PKP2: variants seen among roughly 807,000 people sequenced by gnomAD.
PKP2 encodes the protein plakophilin-2.
PKP2 carries 73 observed loss-of-function variants against 83.4 expected under a neutral mutation model. The observed-to-expected ratio is 0.88, with a 90% CI of 0.72 to 1.06. PKP2 has a LOEUF of 1.06. PKP2 is among the 50% of genes least tolerant of loss of function. The pLI is 0.00. For synonymous variants in PKP2, 409 were observed against 430.4 expected, an observed-to-expected ratio of 0.95 and a Z score of 0.62; for missense variants, 966 against 1,065.4, an observed-to-expected ratio of 0.91 and a Z score of 1.30.
chr12:32,856,669 G>A (rs1414754815), intron 4 of PKP2, among the ~76,000 whole-genome samples: 1 of 151,876 alleles, frequency 6.6e-6, no homozygotes, highest in African/African-American at 2.4e-5. Flanking sequence ...GAGTTAATGG[G>A]TGCAGCACAC....
chr12:32,842,936 G>A (rs978779147), intron 5 of PKP2, among the ~76,000 whole-genome samples: 4 of 151,546 alleles, frequency 2.6e-5, no homozygotes, highest in Non-Finnish European at 4.4e-5. Flanking sequence ...GCCTCCCAAA[G>A]TGCTGAGATT....
At chr12:32,876,117 G>A (rs1404088584) in intron 3 of PKP2, among the ~76,000 whole-genome samples, 1 of 152,126 alleles carries the variant, frequency 6.6e-6, no homozygotes, top group Non-Finnish European at 1.5e-5. Flanking sequence ...TGAAAACCAA[G>A]GGATGAGAGA....
intron 1 of PKP2, among the ~76,000 whole-genome samples, chr12:32,893,146 T>C (rs1336699173): frequency 6.6e-6 from 1 of 152,194 alleles, no homozygotes; most frequent in Non-Finnish European, 1.5e-5. Flanking sequence ...TTAAAGACTC[T>C]TGCAAGATAC....
intron 4 of PKP2, among the ~76,000 whole-genome samples, chr12:32,856,150 G>C (rs1956746292): frequency 6.6e-6 from 1 of 152,022 alleles, no homozygotes; most frequent in African/African-American, 2.4e-5. Flanking sequence ...GTAAGTTTTT[G>C]CAAGATACTT....
Position 32,851,033 on chromosome 12 carries a change from A to C in PKP2, c.1171-60T>G, listed in dbSNP as rs757416462. 1.3e-5 allele frequency: 18 copies of C among 1,343,918 alleles called. No individual in the cohort carries two copies. The African/African-American group carries it at 2.4e-4, about 18-fold the overall frequency. The allele number at this position is 1,343,918 out of a possible 1,614,324, so 83.2% of individuals were successfully genotyped here. A position where few individuals can be genotyped will look rare whatever the true frequency, so the allele number is the denominator to read the frequency against. ...ATTTTGATGTGGCATCAAGGCATTCAATGTAATACAAACAGATGAAGTTTA... is the reference window on the plus strand; with the variant it reads ...ATTTTGATGTGGCATCAAGGCATTCCATGTAATACAAACAGATGAAGTTTA... On this transcript the variant is annotated intron_variant, in intron 4 of 12. Transcript: ENST00000340811.
chr12:32,798,070 G>A (rs1400092238), intron 10 of PKP2, among the ~76,000 whole-genome samples: 1 of 138,674 alleles, frequency 7.2e-6, no homozygotes, highest in Non-Finnish European at 1.5e-5. Context: ...CAATACATAA[G>A]TAATACTACT....
chr12:32,807,777 T>C (rs573684032), intron 9 of PKP2, among the ~76,000 whole-genome samples: 10 of 152,318 alleles, frequency 6.6e-5, no homozygotes, highest in African/African-American at 1.9e-4. Flanking sequence ...TATTTCTCTT[T>C]TGTTTATGAA....
At chr12:32,808,117 T>C (rs1043915123) in intron 9 of PKP2, among the ~76,000 whole-genome samples, 1 of 152,184 alleles carries the variant, frequency 6.6e-6, no homozygotes, top group African/African-American at 2.4e-5. Flanking sequence ...CTAAAGTATG[T>C]TTTCCAACTT....
At position 32,864,277 on chromosome 12, in the gene PKP2, T is replaced by C. The variant is rs945735447; in HGVS notation, c.1170+4650A>G. Among the ~76,000 whole-genome samples the C allele has an allele frequency of 1.0e-4, 15 of 150,274 alleles. 1 individual carries two copies. The highest frequency in any genetic ancestry group is 3.4e-4 in the African/African-American group (14 of 40,914). On this transcript the variant is annotated intron_variant, in intron 4 of 12. Coordinates refer to ENST00000340811, the MANE Select transcript of PKP2 (RefSeq NM_001005242.3). ...CACGCTCACCACTTCTTTTCAAGAT[T>C]GTAGGAGAGGTTCTAGCAAGTACTA...
intron 3 of PKP2, among the ~76,000 whole-genome samples, chr12:32,874,459 C>T (rs191469015): frequency 1.3e-4 from 20 of 152,154 alleles, no homozygotes; most frequent in Admixed American, 1.0e-3. Context: ...CTTTCATAAT[C>T]AGAGAAAAAA....
At chr12:32,889,949 C>G (rs1340357866) in intron 1 of PKP2, among the ~76,000 whole-genome samples, 1 of 151,840 alleles carries the variant, frequency 6.6e-6, no homozygotes, top group South Asian at 2.1e-4. Flanking sequence ...GTGGCACACA[C>G]CTGTAATCCC....
chr12:32,821,549 A>G lies in PKP2; in HGVS notation c.1840-20T>C. 1 of 1,613,428 alleles carries G rather than the reference A, an allele frequency of 6.2e-7. No individual in the cohort carries two copies. The highest frequency in any genetic ancestry group is 8.5e-7 in the Non-Finnish European group (1 of 1,179,492). On this transcript the variant is annotated intron_variant, in intron 8 of 12. Coordinates refer to ENST00000340811, the MANE Select transcript of PKP2 (RefSeq NM_001005242.3). The stretch of plus-strand genomic sequence containing the variant: ...GTATTGCTGACCACACACAAAAGGA[A>G]TCCAGAATTAATGCATGTCAGGTGA...
At chr12:32,793,172 C>CG (rs1956088391) in intron 11 of PKP2, among the ~76,000 whole-genome samples, 2 of 151,868 alleles carry the variant, frequency 1.3e-5, no homozygotes, top group Non-Finnish European at 2.9e-5. Context: ...ACCCGGGAGG[C>CG]GGAGGTTGCA....
At chr12:32,849,513 C>A (rs971602720) in intron 5 of PKP2, among the ~76,000 whole-genome samples, 1 of 152,222 alleles carries the variant, frequency 6.6e-6, no homozygotes, top group African/African-American at 2.4e-5. Context: ...GCTACTGCAC[C>A]CAGCCCCTCC....
At chr12:32,842,393 C>T (rs1325339454) in intron 5 of PKP2, among the ~76,000 whole-genome samples, 1 of 152,046 alleles carries the variant, frequency 6.6e-6, no homozygotes, top group Non-Finnish European at 1.5e-5. Context: ...CAGGCGCCCG[C>T]CACCATGCCT....
In PKP2 at chr12:32,824,150, A is replaced by G. The variant is rs1592738689; in HGVS notation, c.1569T>C (p.Ser523=). Residue 523 remains serine (S), a synonymous_variant, in exon 7 of 13, where the codon TCT becomes TCC. Transcript: ENST00000340811. ...TCGCTTTTCTCCCATCAGCGCCAGCAGAACTCATGTTTCTATCAGAAAAAA... is the reference window on the plus strand; with the variant it reads ...TCGCTTTTCTCCCATCAGCGCCAGCGGAACTCATGTTTCTATCAGAAAAAA... ...NVTGCLRNMS[S]AGADGRKAMR... is the part of the protein sequence containing the mutation. 2.5e-6 allele frequency: 4 copies of G among 1,610,222 alleles called. No individual in the cohort carries two copies. In the East Asian group the frequency reaches 6.7e-5, roughly 27 times the overall value.
chr12:32,873,485 C>T (rs1408259339), intron 3 of PKP2, among the ~76,000 whole-genome samples: 1 of 152,068 alleles, frequency 6.6e-6, no homozygotes, highest in Non-Finnish European at 1.5e-5. Flanking sequence ...TTCACTGCTC[C>T]TCTCCTAGAC....
At chr12:32,891,598 C>T (rs1957075619) in intron 1 of PKP2, among the ~76,000 whole-genome samples, 1 of 152,028 alleles carries the variant, frequency 6.6e-6, no homozygotes, top group South Asian at 2.1e-4. Context: ...CAAAAGCTAC[C>T]CTCTGTTCCC....
chr12:32,835,810 T>C (rs577664115), intron 6 of PKP2, among the ~76,000 whole-genome samples: 1 of 152,078 alleles, frequency 6.6e-6, no homozygotes, highest in East Asian at 1.9e-4. Context: ...ACTTACAGAG[T>C]TTACCAATTT....
Sources: allele counts gnomAD v4.1 joint callset (sites outside exome capture counted in the v4.1 genomes callset), GRCh38; gene constraint gnomAD v4.1.1; transcripts MANE v1.5; gene names NCBI Gene and HGNC (gene_info 2026-07-23, HGNC 2026-07-21).